NUCB1: variants seen among roughly 807,000 people sequenced by gnomAD.
NUCB1 encodes nucleobindin-1.
A neutral mutation model predicts 61.2 loss-of-function variants in NUCB1; 47 were observed. That is an observed-to-expected ratio of 0.77 (90% CI 0.61 to 0.98). The LOEUF is 0.98. Ranked by LOEUF, NUCB1 falls within the 50% of genes least tolerant of loss-of-function variation. NUCB1 has a pLI of 0.00. For synonymous variants in NUCB1, 234 were observed against 243.1 expected (o/e 0.96, Z 0.35); for missense variants, 583 against 605.3 (o/e 0.96, Z 0.39).
In NUCB1 at chr19:48,905,889, AGCAGGGGCAGG is replaced by A; in HGVS notation, c.376+7_376+17del. On this transcript the variant is annotated splice_donor_5th_base_variant and intron_variant, in intron 4 of 12. Coordinates refer to ENST00000405315, the MANE Select transcript of NUCB1 (RefSeq NM_006184.6). ...ATGGACGCCGAGCAGGATCCCAGTG[AGCAGGGGCAGG>A]GCGGGAGGGACAGGCAGGGAGGGGT... The A allele has an allele frequency of 1.0e-6, 1 of 993,252 alleles. No individual in the cohort carries two copies. Among genetic ancestry groups the A allele is most frequent in the Non-Finnish European group, 1.4e-6 (1 of 696,496 alleles). The allele number at this position is 993,252 out of a possible 1,614,324, so 61.5% of individuals were successfully genotyped here.
chr19:48,913,324 G>A, intron 6 of NUCB1, 128 bp downstream of exon 6: 2 of 1,213,870 alleles, frequency 1.6e-6, no homozygotes, highest in South Asian at 1.5e-5. Context: ...ACTGTACCTG[G>A]CTGCCCCAGG....
intron 2 of NUCB1, 39 bp downstream of exon 2, chr19:48,900,970 A>G: frequency 6.2e-7 from 1 of 1,612,908 alleles, no homozygotes; most frequent in Non-Finnish European, 8.5e-7. Flanking sequence ...AGGTGTTTGC[A>G]GTGGTACTAC....
At chr19:48,905,220 G>A (rs972599729) in intron 3 of NUCB1, among the ~76,000 whole-genome samples, 1 of 152,120 alleles carries the variant, frequency 6.6e-6, no homozygotes, top group Non-Finnish European at 1.5e-5. Context: ...ATGCTCCTAT[G>A]GTGCCTTCTA....
chr19:48,901,843 C>G (rs1284307267), intron 2 of NUCB1, among the ~76,000 whole-genome samples: 1 of 152,176 alleles, frequency 6.6e-6, no homozygotes, highest in Admixed American at 6.5e-5. Flanking sequence ...GTTCCTGGTC[C>G]CCACGCTGCA....
In NUCB1 at chr19:48,905,813, G is replaced by A. The variant is rs888264610; in HGVS notation, c.304G>A (p.Glu102Lys). The part of the protein sequence containing the change: ...VSHHVRTKLD[E>K]LKRQEVSRLR... ...CCACCACGTCCGCACCAAGCTGGAT[G>A]AGCTCAAGCGACAGGAGGTGTCACG... Residue 102 changes from glutamate to lysine, a missense_variant, in exon 4 of 13, where the codon GAG (glutamate) becomes AAG (lysine). Glu to Lys is a moderately conservative substitution (Grantham distance 56). Coordinates refer to ENST00000405315, the MANE Select transcript of NUCB1 (RefSeq NM_006184.6). The A allele has an allele frequency of 6.2e-7, 1 of 1,613,718 alleles. No individual in the cohort carries two copies. Among genetic ancestry groups the A allele is most frequent in the South Asian group, 1.1e-5 (1 of 91,074 alleles).
At chr19:48,904,598 C>T (rs1292302293) in intron 3 of NUCB1, 144 bp downstream of exon 3, 1 of 591,244 alleles carries the variant, frequency 1.7e-6, no homozygotes. Flanking sequence ...GATCTCAGCT[C>T]ACTGCACCTC....
chr19:48,916,936 T>C (rs1369876289), intron 7 of NUCB1, among the ~76,000 whole-genome samples: 1 of 151,160 alleles, frequency 6.6e-6, no homozygotes, highest in East Asian at 2.0e-4. Context: ...AACAAATAAA[T>C]AGGCCCGGCG....
intron 11 of NUCB1, 125 bp from the exon 12 acceptor site, chr19:48,921,702 G>A (rs558782237): frequency 4.3e-5 from 37 of 850,838 alleles, no homozygotes; most frequent in Non-Finnish European, 5.6e-5. Context: ...TGAGGCCCAC[G>A]GAGAAGGGGT....
intron 4 of NUCB1, among the ~76,000 whole-genome samples, chr19:48,908,927 C>A (rs946597708): frequency 4.6e-5 from 7 of 151,988 alleles, no homozygotes; most frequent in African/African-American, 1.4e-4. Flanking sequence ...TGCCTGGAAA[C>A]CCTACCCCTT....
At position 48,922,515 on chromosome 19, in the gene NUCB1, T is replaced by C. The variant is rs1532704; in HGVS notation, c.*91T>C. Reference sequence around the variant, plus strand: ...TGGCACAGTCAGCTTCCCTGGGGGCTGGTGTCATGTTGGGCTCCTGGGGCG... The same window carrying C: ...TGGCACAGTCAGCTTCCCTGGGGGCCGGTGTCATGTTGGGCTCCTGGGGCG... On this transcript the variant is annotated 3_prime_UTR_variant, in exon 13 of 13. Transcript: ENST00000405315. The C allele has an allele frequency of 0.97, 1,048,940 of 1,085,142 alleles. 507,092 individuals are homozygous for C. Among genetic ancestry groups the C allele is most frequent in the Non-Finnish European group, 0.97 (697,036 of 720,256 alleles). The allele number at this position is 1,085,142 out of a possible 1,614,324, so 67.2% of individuals were successfully genotyped here.
chr19:48,923,249 C>T lies in NUCB1; in HGVS notation c.*825C>T, dbSNP rs2037631768. 1 of 152,360 alleles carries T rather than the reference C, an allele frequency of 6.6e-6. No individual in the cohort carries two copies. The highest frequency in any genetic ancestry group is 2.1e-4 in the South Asian group (1 of 4,834). 9.4% of individuals were successfully genotyped at this position (152,360 alleles called of 1,614,324 possible). A position where few individuals can be genotyped will look rare whatever the true frequency, so the allele number is the denominator to read the frequency against. On this transcript the variant is annotated 3_prime_UTR_variant, in exon 13 of 13. Transcript: ENST00000405315. Reference sequence around the variant, plus strand: ...GTCCTGTTCCATGTTCCGGTTCCATCCAAATACACTTTCTGGAACAAATGC... The same window carrying T: ...GTCCTGTTCCATGTTCCGGTTCCATTCAAATACACTTTCTGGAACAAATGC...
At position 48,904,072 on chromosome 19, in the gene NUCB1, T is replaced by C. The variant is rs569241313; in HGVS notation, c.136-275T>C. On this transcript the variant is annotated intron_variant, in intron 2 of 12. Transcript: ENST00000405315. ...GTGGGTGGATGCATGGATGAATGGG[T>C]GGATGCATGGATGGATGGATGGTTG... 7.1e-3 allele frequency among the ~76,000 whole-genome samples: 1,083 copies of C among 151,736 alleles called. 4 individuals are homozygous for C. Among genetic ancestry groups the C allele is most frequent in the Non-Finnish European group, 0.012 (798 of 67,860 alleles).
chr19:48,910,318 C>T (rs1261647035), intron 4 of NUCB1, among the ~76,000 whole-genome samples: 1 of 151,658 alleles, frequency 6.6e-6, no homozygotes, highest in South Asian at 2.1e-4. Context: ...TCTTGTGATC[C>T]GCCCCCCTTG....
chr19:48,905,796 T>G lies in NUCB1; in HGVS notation c.287T>G (p.Val96Gly). 1.9e-6 allele frequency: 3 copies of G among 1,613,540 alleles called. No individual in the cohort carries two copies. Among genetic ancestry groups the G allele is most frequent in the Non-Finnish European group, 2.5e-6 (3 of 1,179,824 alleles). ...SRELDFVSHH[V>G]RTKLDELKRQ... The stretch of plus-strand genomic sequence containing the variant: ...GAGCTGGACTTTGTCAGCCACCACG[T>G]CCGCACCAAGCTGGATGAGCTCAAG... Residue 96 changes from valine to glycine, a missense_variant, in exon 4 of 13, where the codon GTC (valine) becomes GGC (glycine). Transcript: ENST00000405315.
Position 48,900,875 on chromosome 19 carries a change from G to C in NUCB1, c.79G>C (p.Val27Leu). 6.2e-7 allele frequency: 1 copy of C among 1,613,914 alleles called. No homozygotes were observed. Among genetic ancestry groups the C allele is most frequent in the Non-Finnish European group, 8.5e-7 (1 of 1,180,028 alleles). Reference sequence around the variant, plus strand: ...GCTCCTGCTTCGCGCCGTGCTGGCTGTCCCCCTGGAGCGAGGGGCGCCCAA... The same window carrying C: ...GCTCCTGCTTCGCGCCGTGCTGGCTCTCCCCCTGGAGCGAGGGGCGCCCAA... ...LLLLLRAVLA[V>L]PLERGAPNKE... Residue 27 changes from valine (V) to leucine (L), a missense_variant, in exon 2 of 13, where the codon GTC becomes CTC. Transcript: ENST00000405315.
chr19:48,913,475 G>A lies in NUCB1; in HGVS notation c.668G>A (p.Gly223Asp), dbSNP rs1278534260. The change falls in exon 7 of 13, where the codon GGC (glycine) becomes GAC (aspartate). Residue 223 changes from glycine to aspartate, a missense_variant and splice_region_variant. Gly to Asp is a moderately conservative substitution (Grantham distance 94, BLOSUM62 -1). Transcript: ENST00000405315. Reference protein sequence around the residue: ...HREHPKVNVPGSQAQLKEVWE... With the variant: ...HREHPKVNVPDSQAQLKEVWE... ...AGCTCCTGGCTCTCCCCTCCACAGG[G>A]CAGCCAAGCCCAGTTGAAGGAGGTG... 1.2e-6 allele frequency: 2 copies of A among 1,614,074 alleles called. No individual in the cohort carries two copies. Among genetic ancestry groups the A allele is most frequent in the Non-Finnish European group, 8.5e-7 (1 of 1,179,918 alleles).
chr19:48,905,916 A>AG, intron 4 of NUCB1, 31 bp downstream of exon 4: 2 of 476,724 alleles, frequency 4.2e-6, no homozygotes, highest in Non-Finnish European at 4.0e-6. Flanking sequence ...AGGGACAGGC[A>AG]GGGAGGGGTG....
chr19:48,918,212 AG>A (rs1272112579), intron 7 of NUCB1, among the ~76,000 whole-genome samples: 1 of 152,054 alleles, frequency 6.6e-6, no homozygotes, highest in Non-Finnish European at 1.5e-5. Context: ...TTGCAAGATG[AG>A]GGTTCCTGGC....
At chr19:48,915,847 C>A (rs1402662099) in intron 7 of NUCB1, among the ~76,000 whole-genome samples, 1 of 151,774 alleles carries the variant, frequency 6.6e-6, no homozygotes, top group Non-Finnish European at 1.5e-5. Context: ...CAGGATCTTG[C>A]TATGTTGCCC....
Sources: gnomAD v4.1 joint callset for allele counts (sites outside exome capture counted in the v4.1 genomes callset) on GRCh38, gnomAD v4.1.1 for gene constraint, MANE v1.5 for transcripts, NCBI Gene and HGNC (gene_info 2026-07-23, HGNC 2026-07-21) for gene names.